The following SHQ1 variants were observed in gnomAD, a reference collection of about 807,000 sequenced individuals.
The protein encoded by SHQ1 is protein SHQ1 homolog.
A neutral mutation model predicts 53.8 loss-of-function variants in SHQ1; 49 were observed. The ratio of observed to expected loss-of-function variants is 0.91; its 90% CI spans 0.72 to 1.16. The LOEUF (loss-of-function observed/expected upper bound fraction) is 1.16, where lower values mean the gene tolerates loss of function less well. SHQ1 is among the 50% of genes most tolerant of loss of function. The pLI, the probability that SHQ1 is intolerant of heterozygous loss-of-function variation, is 0.00. For missense variants in SHQ1, 738 were observed against 683.1 expected (o/e 1.08, Z -0.90); for synonymous variants, 243 against 251.0 (o/e 0.97, Z 0.30).
At chr3:72,823,717 G>A (rs1235107399) in intron 6 of SHQ1, among the ~76,000 whole-genome samples, 1 of 152,126 alleles carries the variant, frequency 6.6e-6, no homozygotes. Context: ...TTAGATGTGG[G>A]AATATATATT....
chr3:72,824,507 T>C lies in SHQ1; in HGVS notation c.644A>G (p.Tyr215Cys), dbSNP rs141348498. 13 of 1,612,544 alleles carry C rather than the reference T, an allele frequency of 8.1e-6. No individual in the cohort carries two copies. Among genetic ancestry groups the C allele is most frequent in the Non-Finnish European group, 1.0e-5 (12 of 1,179,562 alleles). The change falls in exon 6 of 11, where the codon TAT becomes TGT. Residue 215 changes from tyrosine to cysteine, a missense_variant. Transcript: ENST00000325599. Reference protein sequence around the residue: ...EDEAIEQILKYNPWWTDKYSK... With the variant: ...EDEAIEQILKCNPWWTDKYSK... ...ATATTTGTCAGTCCACCAAGGATTA[T>C]ACTTCAAAATCTGTTCAATCGCCTC...
chr3:72,774,792 A>C (rs2106745338), intron 10 of SHQ1, among the ~76,000 whole-genome samples: 1 of 152,340 alleles, frequency 6.6e-6, no homozygotes, highest in South Asian at 2.1e-4. Context: ...AAAAGTAATG[A>C]AATAGAAGAC....
At chr3:72,727,757 A>G in the SHQ1 span, among the ~76,000 whole-genome samples, 1,822 of 152,304 alleles carry the variant, frequency 0.012, 25 homozygotes, top group Non-Finnish European at 0.019. Context: ...CCAGAAGGAC[A>G]GAAGTCTTGG....
At chr3:72,786,068 A>G (rs1469543072) in intron 10 of SHQ1, among the ~76,000 whole-genome samples, 1 of 152,076 alleles carries the variant, frequency 6.6e-6, no homozygotes, top group African/African-American at 2.4e-5. Flanking sequence ...CAAAACCCAC[A>G]TCTCATCTTG....
intron 5 of SHQ1, among the ~76,000 whole-genome samples, chr3:72,832,055 T>C (rs886858230): frequency 3.3e-5 from 5 of 152,164 alleles, no homozygotes; most frequent in Admixed American, 1.3e-4. Flanking sequence ...CAACCAAAAG[T>C]TTACTTAAAA....
chr3:72,798,327 C>A (rs1706688777), intron 9 of SHQ1, among the ~76,000 whole-genome samples: 1 of 152,142 alleles, frequency 6.6e-6, no homozygotes, highest in Non-Finnish European at 1.5e-5. Flanking sequence ...AGTAAGCCAA[C>A]CCTATCCATG....
At chr3:72,845,768 A>G (rs1708310656) in intron 1 of SHQ1, among the ~76,000 whole-genome samples, 1 of 152,148 alleles carries the variant, frequency 6.6e-6, no homozygotes, top group Non-Finnish European at 1.5e-5. Context: ...TATGATTAAA[A>G]ACAAAAACAG....
chr3:72,734,912 G>T, the SHQ1 span, among the ~76,000 whole-genome samples: 1 of 151,424 alleles, frequency 6.6e-6, no homozygotes, highest in Non-Finnish European at 1.5e-5. Flanking sequence ...GACAACATTT[G>T]TGCCGGCCAT....
At chr3:72,810,070 T>C (rs1707070419) in intron 9 of SHQ1, 1 of 151,968 alleles carries the variant, frequency 6.6e-6, no homozygotes, top group Non-Finnish European at 1.5e-5. Context: ...GATGCTCCCA[T>C]GAAAAACTTT....
intron 10 of SHQ1, among the ~76,000 whole-genome samples, chr3:72,751,508 G>GTGTGTGTGTGTGTGTGTATATATA (rs1210782182): frequency 3.4e-5 from 4 of 116,976 alleles, no homozygotes; most frequent in African/African-American, 1.8e-4. Flanking sequence ...GTGTGTGTGT[G>GTGTGTGTGTGTGTGTGTATATATA]TATATATATA....
intron 10 of SHQ1, among the ~76,000 whole-genome samples, chr3:72,758,577 T>C (rs1432756733): frequency 6.8e-6 from 1 of 146,946 alleles, no homozygotes; most frequent in Admixed American, 6.7e-5. Flanking sequence ...CTTTTTTTTT[T>C]TTTTTTTTCC....
At chr3:72,739,379 C>T in the SHQ1 span, among the ~76,000 whole-genome samples, 1 of 152,154 alleles carries the variant, frequency 6.6e-6, no homozygotes, top group African/African-American at 2.4e-5. Flanking sequence ...CTGCGATGCA[C>T]CCTCTCCTCT....
the SHQ1 span, among the ~76,000 whole-genome samples, chr3:72,736,564 A>G: frequency 6.7e-6 from 1 of 149,224 alleles, no homozygotes; most frequent in Admixed American, 6.7e-5. Context: ...GCCGAGACAG[A>G]TGGATCACTT....
chr3:72,813,331 G>C (rs1300105468), intron 8 of SHQ1, among the ~76,000 whole-genome samples: 2 of 151,772 alleles, frequency 1.3e-5, no homozygotes, highest in African/African-American at 4.8e-5. Flanking sequence ...GCCAGGTGTG[G>C]TGACAGGCAC....
the SHQ1 span, among the ~76,000 whole-genome samples, chr3:72,741,929 G>A: frequency 6.6e-6 from 1 of 152,116 alleles, no homozygotes; most frequent in East Asian, 1.9e-4. Flanking sequence ...AAGCATACAA[G>A]AGAATGGAGG....
intron 9 of SHQ1, among the ~76,000 whole-genome samples, chr3:72,810,167 G>C (rs909437592): frequency 6.6e-6 from 1 of 152,160 alleles, no homozygotes; most frequent in Non-Finnish European, 1.5e-5. Flanking sequence ...TGTGCCCCAA[G>C]ATGACTGATC....
At chr3:72,737,232 C>T in the SHQ1 span, among the ~76,000 whole-genome samples, 3 of 151,580 alleles carry the variant, frequency 2.0e-5, no homozygotes, top group Non-Finnish European at 4.4e-5. Flanking sequence ...GAGCTGAGAT[C>T]GTGCCACTGT....
the SHQ1 span, among the ~76,000 whole-genome samples, chr3:72,742,726 G>A: frequency 1.3e-5 from 2 of 149,456 alleles, no homozygotes; most frequent in East Asian, 3.9e-4. Context: ...AAGCGTTCAA[G>A]CGATTCTCCT....
intron 2 of SHQ1, among the ~76,000 whole-genome samples, 175 bp downstream of exon 2, chr3:72,844,184 T>A (rs1164542930): frequency 2.6e-5 from 4 of 152,058 alleles, no homozygotes. Context: ...AAAAGACTTG[T>A]GAGGGGTGGG....
Sources: gnomAD v4.1 joint callset for allele counts (sites outside exome capture counted in the v4.1 genomes callset) on GRCh38, gnomAD v4.1.1 for gene constraint, MANE v1.5 for transcripts, NCBI Gene and HGNC (gene_info 2026-07-23, HGNC 2026-07-21) for gene names.